CDC27: variants seen among roughly 807,000 people sequenced by gnomAD.
CDC27 encodes cell division cycle protein 27 homolog.
Under a neutral mutation model 109.7 loss-of-function variants are expected in CDC27, and 27 were observed. The ratio of observed to expected loss-of-function variants is 0.25; its 90% CI spans 0.18 to 0.34. The LOEUF is 0.34. Among genes scored for constraint, CDC27 ranks in the 10% least tolerant of loss-of-function variants. CDC27 has a pLI of 1.00. For synonymous variants in CDC27, 266 were observed against 333.9 expected, an observed-to-expected ratio of 0.80 and a Z score of 2.22; for missense variants, 579 against 960.2, an observed-to-expected ratio of 0.60 and a Z score of 5.25.
chr17:47,182,680 T>C (rs946567094), intron 1 of CDC27, among the ~76,000 whole-genome samples: 1 of 152,238 alleles, frequency 6.6e-6, no homozygotes, highest in Non-Finnish European at 1.5e-5. Flanking sequence ...CTAGAGTTCA[T>C]TTGTTTTCAT....
chr17:47,189,087 C>T, intron 1 of CDC27, 59 bp downstream of exon 1: 2 of 1,582,962 alleles, frequency 1.3e-6, no homozygotes, highest in Non-Finnish European at 1.7e-6. Flanking sequence ...AGTGGCCCTA[C>T]GCTGCTGCTT....
intron 17 of CDC27, among the ~76,000 whole-genome samples, chr17:47,123,646 A>G (rs1235477342): frequency 6.6e-6 from 1 of 151,898 alleles, no homozygotes; most frequent in Non-Finnish European, 1.5e-5. Context: ...TCCTGACCTC[A>G]CGTAATCTAC....
chr17:47,132,734 A>C (rs2062384011), intron 14 of CDC27, among the ~76,000 whole-genome samples: 1 of 126,676 alleles, frequency 7.9e-6, no homozygotes, highest in Non-Finnish European at 1.6e-5. Flanking sequence ...CCTAGCCATT[A>C]AAGCAGTTTA....
intron 4 of CDC27, 70 bp downstream of exon 4, chr17:47,169,847 A>G (rs1640551441): frequency 3.0e-6 from 4 of 1,318,814 alleles, no homozygotes; most frequent in Non-Finnish European, 3.1e-6. Context: ...TGATCAACAT[A>G]GGTTTTTTAA....
intron 2 of CDC27, among the ~76,000 whole-genome samples, chr17:47,172,287 T>G (rs373163271): frequency 6.6e-6 from 1 of 152,156 alleles, no homozygotes; most frequent in South Asian, 2.1e-4. Context: ...ACCAAGGAAA[T>G]AATACAATGA....
At position 47,158,300 on chromosome 17, in the gene CDC27, C is replaced by A; in HGVS notation, c.381G>T (p.Lys127Asn). Residue 127 changes from lysine (K) to asparagine (N), a missense_variant, in exon 5 of 19, where the codon AAG (lysine) becomes AAT (asparagine). Coordinates refer to ENST00000066544, the MANE Select transcript of CDC27 (RefSeq NM_001256.6). ...CTGATCCTTTGGCAAGCCGATCTGT[C>A]TTGCTGTGGAGAGAAACAAGTAGAT... ...TLSLLGHVYC[K>N]TDRLAKGSEC... 6.5e-7 allele frequency: 1 copy of A among 1,528,616 alleles called. No individual in the cohort carries two copies. Among genetic ancestry groups the A allele is most frequent in the South Asian group, 1.3e-5 (1 of 78,668 alleles). 94.7% of individuals were successfully genotyped at this position (1,528,616 alleles called of 1,614,324 possible).
intron 2 of CDC27, among the ~76,000 whole-genome samples, chr17:47,175,039 G>GAGGA (rs71138592): frequency 0.04 from 5,160 of 129,774 alleles, 123 homozygotes; most frequent in South Asian, 0.065. Flanking sequence ...AAGAGAGAGA[G>GAGGA]AGGAAGGAAG....
chr17:47,142,494 A>G, intron 10 of CDC27, 58 bp from the exon 11 acceptor site: 1 of 661,886 alleles, frequency 1.5e-6, no homozygotes, highest in Middle Eastern at 2.5e-4. Context: ...ATTTCTCCTC[A>G]GCCCTTTCTC....
intron 15 of CDC27, 47 bp from the exon 16 acceptor site, chr17:47,129,568 A>G: frequency 1.4e-6 from 2 of 1,422,754 alleles, no homozygotes; most frequent in Non-Finnish European, 1.9e-6. Flanking sequence ...GATATTTATG[A>G]AGAAAGGTGA....
In CDC27 at chr17:47,119,791, T is replaced by C. The variant is rs894158133; in HGVS notation, c.*1144A>G. 4 of 152,132 alleles carry C rather than the reference T, an allele frequency of 2.6e-5. No individual in the cohort carries two copies. The highest frequency in any genetic ancestry group is 5.9e-5 in the Non-Finnish European group (4 of 68,016). 9.4% of individuals were successfully genotyped at this position (152,132 alleles called of 1,614,324 possible). A position where few individuals can be genotyped will look rare whatever the true frequency, so the allele number is the denominator to read the frequency against. On this transcript the variant is annotated 3_prime_UTR_variant, in exon 19 of 19. Transcript: ENST00000066544. ...AGAACCTATCTCCTTCATAAGAATG[T>C]TTTTTCCCCCAAGCTAAAAATTTCC... is the stretch of plus-strand genomic sequence containing the variant.
intron 2 of CDC27, among the ~76,000 whole-genome samples, chr17:47,172,386 T>C (rs939585806): frequency 2.0e-5 from 3 of 151,960 alleles, no homozygotes; most frequent in African/African-American, 7.3e-5. Context: ...CAGTAAAGGA[T>C]CTTGTTTTTA....
rs533195678 is a variant in CDC27, at chr17:47,173,771, C to T, written c.104-1707G>A. Among the ~76,000 whole-genome samples, 7 of 152,246 alleles carry T rather than the reference C, an allele frequency of 4.6e-5. No individual in the cohort carries two copies. In the East Asian group the frequency reaches 9.6e-4, roughly 21 times the overall value. On this transcript the variant is annotated intron_variant, in intron 2 of 18. Transcript: ENST00000066544. ...AAAATTATATGTTCAAATGGGAATA[C>T]GGATTGGTGATTTAGGCAAAACTTA...
intron 9 of CDC27, among the ~76,000 whole-genome samples, chr17:47,151,186 C>G (rs1057164610): frequency 1.3e-5 from 2 of 152,192 alleles, no homozygotes; most frequent in Admixed American, 6.5e-5. Flanking sequence ...TCACTGCAAG[C>G]TGGCACTCAA....
intron 13 of CDC27, among the ~76,000 whole-genome samples, chr17:47,137,895 G>A (rs905747621): frequency 1.3e-5 from 2 of 151,696 alleles, no homozygotes; most frequent in African/African-American, 4.8e-5. Context: ...CCGCCACCTA[G>A]GCTCAAGTGA....
intron 14 of CDC27, among the ~76,000 whole-genome samples, chr17:47,134,038 A>AC (rs758841339): frequency 3.3e-4 from 50 of 152,188 alleles, no homozygotes; most frequent in Non-Finnish European, 5.1e-4. Flanking sequence ...GGTGTGAGCT[A>AC]CCACCCCCAG....
chr17:47,179,075 T>C (rs2064126295), intron 2 of CDC27, among the ~76,000 whole-genome samples: 1 of 152,246 alleles, frequency 6.6e-6, no homozygotes, highest in African/African-American at 2.4e-5. Context: ...TTCTCTCTTA[T>C]ATCATTCTGC....
chr17:47,157,484 C>A, intron 5 of CDC27, 100 bp from the exon 6 acceptor site: 1 of 829,272 alleles, frequency 1.2e-6, no homozygotes, highest in Non-Finnish European at 1.8e-6. Context: ...TAGGCCTTAT[C>A]CAAACTTTAA....
At chr17:47,161,214 C>T in intron 4 of CDC27, 1 of 149,262 alleles carries the variant, frequency 6.7e-6, no homozygotes, top group South Asian at 2.1e-4. Context: ...AAAAAGTTAG[C>T]GGTGTTTTGC....
intron 14 of CDC27, among the ~76,000 whole-genome samples, chr17:47,134,481 TTTTG>T (rs2062508624): frequency 6.9e-6 from 1 of 145,630 alleles, no homozygotes; most frequent in Non-Finnish European, 1.5e-5. Context: ...ATTGTTTTTT[TTTTG>T]TTTTGTTTTG....
Sources: allele counts gnomAD v4.1 joint callset (sites outside exome capture counted in the v4.1 genomes callset), GRCh38; gene constraint gnomAD v4.1.1; transcripts MANE v1.5; gene names NCBI Gene and HGNC (gene_info 2026-07-23, HGNC 2026-07-21).